The following PAX5 variants were observed in gnomAD, a reference collection of about 807,000 sequenced individuals.
The protein encoded by PAX5 is paired box 5.
In PAX5, 9 loss-of-function variants were observed where a neutral mutation model predicts 43.7. That is an observed-to-expected ratio of 0.21 (90% CI 0.12 to 0.36). The LOEUF (loss-of-function observed/expected upper bound fraction) is 0.36, where lower values mean the gene tolerates loss of function less well. PAX5 is among the 10% of genes least tolerant of loss of function. PAX5 has a pLI of 1.00. For synonymous variants in PAX5, 228 were observed against 214.3 expected (o/e 1.06, Z -0.56); for missense variants, 383 against 532.7 (o/e 0.72, Z 2.77).
In PAX5 at chr9:36,969,779, G is replaced by A. The variant is rs191296932; in HGVS notation, c.605-3055C>T. Among the ~76,000 whole-genome samples the A allele has an allele frequency of 7.9e-5, 12 of 152,232 alleles. No individual in the cohort carries two copies. In the East Asian group the frequency reaches 1.7e-3, roughly 22 times the overall value. On this transcript the variant is annotated intron_variant, in intron 5 of 9. Coordinates refer to ENST00000358127, the MANE Select transcript of PAX5 (RefSeq NM_016734.3). Reference sequence around the variant, plus strand: ...GGGTGGACTGCCCTCGAAGGGCTGCGAGCTGGGCAGAGCCTGCCTCTCCGG... The same window carrying A: ...GGGTGGACTGCCCTCGAAGGGCTGCAAGCTGGGCAGAGCCTGCCTCTCCGG...
intron 6 of PAX5, among the ~76,000 whole-genome samples, chr9:36,958,047 A>T (rs1273896948): frequency 6.6e-6 from 1 of 152,138 alleles, no homozygotes; most frequent in Non-Finnish European, 1.5e-5. Flanking sequence ...GAGCTACCCT[A>T]GAGGGTCTGG....
chr9:36,852,629 G>A (rs1823269033), intron 8 of PAX5, among the ~76,000 whole-genome samples: 3 of 152,238 alleles, frequency 2.0e-5, no homozygotes, highest in Admixed American at 1.3e-4. Context: ...CAGAAGGAAC[G>A]TGGCTTCCCA....
chr9:36,862,911 G>C (rs1454601934), intron 8 of PAX5, among the ~76,000 whole-genome samples: 2 of 152,172 alleles, frequency 1.3e-5, no homozygotes, highest in Non-Finnish European at 2.9e-5. Flanking sequence ...CCTTAAAACA[G>C]ACCAAGGGGG....
At chr9:37,013,556 G>A (rs1431116851) in intron 3 of PAX5, among the ~76,000 whole-genome samples, 1 of 152,106 alleles carries the variant, frequency 6.6e-6, no homozygotes, top group Non-Finnish European at 1.5e-5. Flanking sequence ...CCAGAAGTAA[G>A]GGGCTCATAA....
At chr9:36,847,120 G>A (rs1450203062) in intron 8 of PAX5, among the ~76,000 whole-genome samples, 191 bp from the exon 9 acceptor site, 1 of 152,172 alleles carries the variant, frequency 6.6e-6, no homozygotes, top group African/African-American at 2.4e-5. Flanking sequence ...GGCATTGTCT[G>A]TATTTCCCCT....
At chr9:36,880,719 C>T (rs1826340124) in intron 8 of PAX5, among the ~76,000 whole-genome samples, 4 of 152,212 alleles carry the variant, frequency 2.6e-5, no homozygotes, top group Admixed American at 2.0e-4. Context: ...CATGCCACCA[C>T]ACCTGGCTAA....
At chr9:36,914,186 C>T (rs906931280) in intron 7 of PAX5, among the ~76,000 whole-genome samples, 1 of 152,200 alleles carries the variant, frequency 6.6e-6, no homozygotes, top group African/African-American at 2.4e-5. Flanking sequence ...CATTCAGGTA[C>T]GTGAGAAATC....
chr9:37,018,208 C>T (rs1025789544), intron 2 of PAX5, among the ~76,000 whole-genome samples: 5 of 152,064 alleles, frequency 3.3e-5, no homozygotes, highest in Non-Finnish European at 7.4e-5. Context: ...ATAAAGAGCA[C>T]GTGCGGAGGA....
Position 37,034,098 on chromosome 9 carries a change from CTTTTTT to C in PAX5, c.-73_-68del, listed in dbSNP as rs576653546. On this transcript the variant is annotated 5_prime_UTR_variant, in exon 1 of 10. Transcript: ENST00000358127. Reference sequence around the variant, plus strand: ...TCCACTTTTTTGTGCCTTTTTTTTTCTTTTTTTTTTTTTTTTTTTTTTTTTTTTGGT... The same window carrying C: ...TCCACTTTTTTGTGCCTTTTTTTTTCTTTTTTTTTTTTTTTTTTTTTTGGT... 8.7e-3 allele frequency: 2,753 copies of C among 317,368 alleles called. No individual in the cohort carries two copies. The highest frequency in any genetic ancestry group is 9.3e-3 in the East Asian group (170 of 18,190). 19.7% of individuals were successfully genotyped at this position (317,368 alleles called of 1,614,324 possible).
At chr9:36,988,973 T>TA (rs1836701098) in intron 5 of PAX5, among the ~76,000 whole-genome samples, 1 of 152,070 alleles carries the variant, frequency 6.6e-6, no homozygotes, top group African/African-American at 2.4e-5. Context: ...ACACTGCTAG[T>TA]AAAAGGAAAG....
chr9:36,879,721 T>C (rs1826234098), intron 8 of PAX5, among the ~76,000 whole-genome samples: 1 of 152,176 alleles, frequency 6.6e-6, no homozygotes, highest in African/African-American at 2.4e-5. Flanking sequence ...TGCAGGACTG[T>C]TGCGTCATAG....
rs1024478948 is a variant in PAX5, at chr9:36,892,228, C to T, written c.911-10123G>A. On this transcript the variant is annotated intron_variant, in intron 7 of 9. Coordinates refer to ENST00000358127, the MANE Select transcript of PAX5 (RefSeq NM_016734.3). Reference sequence around the variant, plus strand: ...GACAGGAGGAAGGCAGTATTTATGGCGCAAGGATTCCCAGGGCAAAGTGGG... The same window carrying T: ...GACAGGAGGAAGGCAGTATTTATGGTGCAAGGATTCCCAGGGCAAAGTGGG... Among the ~76,000 whole-genome samples the T allele has an allele frequency of 6.6e-5, 10 of 152,310 alleles. No homozygotes were observed. In the South Asian group the frequency reaches 1.5e-3, roughly 22 times the overall value.
chr9:36,886,521 C>A (rs1337772830), intron 7 of PAX5, among the ~76,000 whole-genome samples: 1 of 152,156 alleles, frequency 6.6e-6, no homozygotes, highest in Non-Finnish European at 1.5e-5. Flanking sequence ...ATGTCTTAGG[C>A]ATGTCGCCAG....
chr9:36,948,840 C>G (rs1832766781), intron 6 of PAX5, among the ~76,000 whole-genome samples: 1 of 151,984 alleles, frequency 6.6e-6, no homozygotes, highest in Non-Finnish European at 1.5e-5. Flanking sequence ...CCTTTCCTGC[C>G]CAACCCAGCC....
chr9:37,034,098 CTTTTTTTTTTTTTTTTTTTT>C lies in PAX5; in HGVS notation c.-87_-68del. 1 of 313,510 alleles carries C rather than the reference CTTTTTTTTTTTTTTTTTTTT, an allele frequency of 3.2e-6. No homozygotes were observed. Among genetic ancestry groups the C allele is most frequent in the Non-Finnish European group, 5.6e-6 (1 of 178,542 alleles). The allele number at this position is 313,510 out of a possible 1,614,324, so 19.4% of individuals were successfully genotyped here. ...TCCACTTTTTTGTGCCTTTTTTTTT[CTTTTTTTTTTTTTTTTTTTT>C]TTTTTTTTGGTGCCAGGGGCCGCTC... On this transcript the variant is annotated 5_prime_UTR_variant, in exon 1 of 10. Coordinates refer to ENST00000358127, the MANE Select transcript of PAX5 (RefSeq NM_016734.3).
chr9:36,913,453 A>T (rs886528643), intron 7 of PAX5, among the ~76,000 whole-genome samples: 3 of 152,246 alleles, frequency 2.0e-5, no homozygotes. Context: ...GGTGAGCAGA[A>T]GTGGGGAGCC....
At chr9:36,866,173 C>A (rs753653511) in intron 8 of PAX5, among the ~76,000 whole-genome samples, 40 of 152,294 alleles carry the variant, frequency 2.6e-4, no homozygotes, top group Non-Finnish European at 5.6e-4. Flanking sequence ...GCGGGCGGGC[C>A]GGGCCTCACC....
intron 7 of PAX5, among the ~76,000 whole-genome samples, chr9:36,897,767 C>CTT: frequency 6.6e-6 from 1 of 152,226 alleles, no homozygotes; most frequent in East Asian, 1.9e-4. Flanking sequence ...GCTCAATTTT[C>CTT]TTCCAGTAGT....
At chr9:37,026,973 C>G (rs557821463) in intron 1 of PAX5, among the ~76,000 whole-genome samples, 8 of 152,336 alleles carry the variant, frequency 5.3e-5, no homozygotes, top group African/African-American at 1.7e-4. Context: ...AGGAGGCCGC[C>G]GGAACAATCG....
Sources: allele counts gnomAD v4.1 joint callset (sites outside exome capture counted in the v4.1 genomes callset), GRCh38; gene constraint gnomAD v4.1.1; transcripts MANE v1.5; gene names NCBI Gene and HGNC (gene_info 2026-07-23, HGNC 2026-07-21).